Variants in CLTC observed in about 807,000 individuals in gnomAD.
CLTC encodes the protein clathrin heavy chain.
CLTC carries 16 observed loss-of-function variants against 195.8 expected under a neutral mutation model. The ratio of observed to expected loss-of-function variants is 0.08; its 90% CI spans 0.06 to 0.12. The LOEUF (loss-of-function observed/expected upper bound fraction) is 0.12. Ranked by LOEUF, CLTC falls within the 10% of genes least tolerant of loss-of-function variation. CLTC has a pLI of 1.00. For missense variants in CLTC, 796 were observed against 2,027.0 expected, an observed-to-expected ratio of 0.39 and a Z score of 11.66; for synonymous variants, 667 against 689.4, an observed-to-expected ratio of 0.97 and a Z score of 0.51.
Position 59,683,028 on chromosome 17 carries a change from T to C in CLTC, c.3873+14T>C. 5 of 1,613,798 alleles carry C rather than the reference T, an allele frequency of 3.1e-6. No homozygotes were observed. Among genetic ancestry groups the C allele is most frequent in the Middle Eastern group, 1.6e-4 (1 of 6,062 alleles). On this transcript the variant is annotated intron_variant, in intron 24 of 31. Coordinates refer to ENST00000269122, the MANE Select transcript of CLTC (RefSeq NM_004859.4). The surrounding 1 kb of genome is among the most constrained non-coding windows in gnomAD (Gnocchi z 6.1). ...AACTACTATCAGGTATTAACGAGAC[T>C]TTTATATGACCTGAGATCTTTTACC...
In CLTC at chr17:59,670,697, C is replaced by T. The variant is rs567720200; in HGVS notation, c.2292+1757C>T. Among the ~76,000 whole-genome samples the T allele has an allele frequency of 5.3e-4, 80 of 152,134 alleles. 2 individuals are homozygous for T. In the South Asian group the frequency reaches 0.016, roughly 31 times the overall value. On this transcript the variant is annotated intron_variant, in intron 14 of 31. Transcript: ENST00000269122. ...TATATGGAAAGCAAAATGAAATTAG[C>T]TATTATTTAATTATCACATTTTTGA...
intron 4 of CLTC, among the ~76,000 whole-genome samples, chr17:59,649,675 TATC>T (rs777443555): frequency 1.3e-4 from 20 of 152,196 alleles, no homozygotes; most frequent in Admixed American, 2.6e-4. Context: ...TTGCTTAAGA[TATC>T]ATCTGTAGCC....
At chr17:59,632,537 G>T (rs1171038677) in intron 1 of CLTC, among the ~76,000 whole-genome samples, 1 of 152,008 alleles carries the variant, frequency 6.6e-6, no homozygotes, top group African/African-American at 2.4e-5. Context: ...AACAAACTCG[G>T]GAGGCCAAGG....
At chr17:59,661,333 A>G in intron 7 of CLTC, 110 bp from the exon 8 acceptor site, 1 of 790,922 alleles carries the variant, frequency 1.3e-6, no homozygotes, top group Non-Finnish European at 2.2e-6. Flanking sequence ...GACCTAAGAG[A>G]TTGATCTCTA....
At chr17:59,651,817 G>C (rs2032335050) in intron 5 of CLTC, among the ~76,000 whole-genome samples, 1 of 152,218 alleles carries the variant, frequency 6.6e-6, no homozygotes, top group African/African-American at 2.4e-5. Flanking sequence ...GGCTGTGGCA[G>C]TTTCGTAAAA....
intron 5 of CLTC, among the ~76,000 whole-genome samples, chr17:59,651,693 T>C (rs1027074083): frequency 6.6e-6 from 1 of 152,220 alleles, no homozygotes; most frequent in African/African-American, 2.4e-5. Flanking sequence ...TGCTAAAAAA[T>C]GTTAATGATT....
At chr17:59,635,489 A>G (rs574235157) in intron 1 of CLTC, among the ~76,000 whole-genome samples, 2 of 152,298 alleles carry the variant, frequency 1.3e-5, no homozygotes, top group South Asian at 4.2e-4. Flanking sequence ...AAGCAAACCT[A>G]TTACTCCTTT....
Position 59,666,003 on chromosome 17 carries a change from C to A in CLTC, c.1645-100C>A. ...ATTTGTTCTTAAGTGTTTATATTGT[C>A]CAAATAAAATTCTCAGGTAAAGAAA... On this transcript the variant is annotated intron_variant, in intron 10 of 31. Coordinates refer to ENST00000269122, the MANE Select transcript of CLTC (RefSeq NM_004859.4). The surrounding 1 kb of genome is among the most constrained non-coding windows in gnomAD (Gnocchi z 4.9). The A allele has an allele frequency of 2.3e-6, 2 of 873,744 alleles. No individual in the cohort carries two copies. Among genetic ancestry groups the A allele is most frequent in the Non-Finnish European group, 1.7e-6 (1 of 572,652 alleles). 54.1% of individuals were successfully genotyped at this position (873,744 alleles called of 1,614,324 possible).
intron 31 of CLTC, among the ~76,000 whole-genome samples, chr17:59,691,396 G>A (rs1273128086): frequency 7.2e-5 from 11 of 151,992 alleles, no homozygotes; most frequent in East Asian, 1.9e-4. Context: ...AGGCTGAGGC[G>A]GGCGGATCAC....
chr17:59,635,975 C>T (rs546558762), intron 1 of CLTC, among the ~76,000 whole-genome samples: 2 of 152,136 alleles, frequency 1.3e-5, no homozygotes, highest in Admixed American at 6.5e-5. Flanking sequence ...TTTGGGAGGC[C>T]GAGGCAGGCA....
chr17:59,685,010 TAAACAA>T lies in CLTC; in HGVS notation c.4435-43_4435-38del. The T allele has an allele frequency of 6.9e-7, 1 of 1,445,990 alleles. No individual in the cohort carries two copies. The highest frequency in any genetic ancestry group is 9.2e-7 in the Non-Finnish European group (1 of 1,083,654). The allele number at this position is 1,445,990 out of a possible 1,614,324, so 89.6% of individuals were successfully genotyped here. On this transcript the variant is annotated intron_variant, in intron 28 of 31. Coordinates refer to ENST00000269122, the MANE Select transcript of CLTC (RefSeq NM_004859.4). The surrounding 1 kb of genome is among the most constrained non-coding windows in gnomAD (Gnocchi z 5.0). ...ATTGATTGAGAACGGAATATAATGT[TAAACAA>T]AATACTGATCTGGCATTTGGATGGC... is the stretch of plus-strand genomic sequence containing the variant.
intron 1 of CLTC, among the ~76,000 whole-genome samples, chr17:59,620,859 C>T (rs1472768192): frequency 1.3e-5 from 2 of 152,142 alleles, no homozygotes; most frequent in Non-Finnish European, 2.9e-5. Flanking sequence ...GTCAAACTCC[C>T]TAAGGAAACT....
Position 59,673,713 on chromosome 17 carries a change from T to C in CLTC, c.2359T>C (p.Leu787=). 1 of 1,555,616 alleles carries C rather than the reference T, an allele frequency of 6.4e-7. No homozygotes were observed. The highest frequency in any genetic ancestry group is 1.4e-5 in the African/African-American group (1 of 73,804). ...TGATCGATTTGACTTTGTCCATGAT[T>C]TGGTGCTCTATTTATATAGAAATAA... is the stretch of plus-strand genomic sequence containing the variant. ...VCDRFDFVHD[L]VLYLYRNNLQ... The change falls in exon 15 of 32, where the codon TTG becomes CTG. Residue 787 remains leucine (L), a synonymous_variant. Transcript: ENST00000269122.
At chr17:59,624,904 A>G (rs914579474) in intron 1 of CLTC, among the ~76,000 whole-genome samples, 3 of 152,202 alleles carry the variant, frequency 2.0e-5, no homozygotes, top group Admixed American at 6.5e-5. Context: ...TATTGGGCTC[A>G]AGTGATCTGC....
At chr17:59,686,400 T>A (rs987025040) in intron 30 of CLTC, among the ~76,000 whole-genome samples, 1 of 152,154 alleles carries the variant, frequency 6.6e-6, no homozygotes, top group Non-Finnish European at 1.5e-5. Context: ...TCTTCAGCAG[T>A]TACTAGCTGT....
chr17:59,657,309 T>C (rs953724911), intron 6 of CLTC, among the ~76,000 whole-genome samples: 6 of 152,170 alleles, frequency 3.9e-5, no homozygotes, highest in Non-Finnish European at 8.8e-5. Context: ...TTTACCATAC[T>C]TATTAAAATT....
At chr17:59,636,825 C>T (rs2031873470) in intron 1 of CLTC, among the ~76,000 whole-genome samples, 1 of 151,996 alleles carries the variant, frequency 6.6e-6, no homozygotes, top group Non-Finnish European at 1.5e-5. Context: ...TGCAATGGCA[C>T]GATCTTGGCT....
At chr17:59,640,708 G>A (rs367770450) in intron 1 of CLTC, among the ~76,000 whole-genome samples, 2 of 151,904 alleles carry the variant, frequency 1.3e-5, no homozygotes, top group African/African-American at 4.8e-5. Flanking sequence ...CGAAGTTCCT[G>A]TCTTTTTTTC....
intron 28 of CLTC, 137 bp downstream of exon 28, chr17:59,684,122 C>A: frequency 1.7e-6 from 1 of 603,752 alleles, no homozygotes; most frequent in East Asian, 2.8e-5. Context: ...AGTAAGATTT[C>A]AGGATTGATA....
Sources: allele counts gnomAD v4.1 joint callset (sites outside exome capture counted in the v4.1 genomes callset), GRCh38; gene constraint gnomAD v4.1.1; non-coding constraint Gnocchi (gnomAD v3.1); transcripts MANE v1.5; gene names NCBI Gene and HGNC (gene_info 2026-07-23, HGNC 2026-07-21).